Variants in RNF152 observed in about 807,000 individuals in gnomAD.
RNF152 encodes the protein ring finger protein 152, also known as E3 ubiquitin-protein ligase RNF152.
A neutral mutation model predicts 12.7 loss-of-function variants in RNF152; 11 were observed. The observed-to-expected ratio is 0.86, with a 90% CI of 0.54 to 1.43. The LOEUF (loss-of-function observed/expected upper bound fraction) is 1.43. RNF152 is among the 40% of genes most tolerant of loss of function. The pLI, the probability that RNF152 is intolerant of heterozygous loss-of-function variation, is 0.00. For missense variants in RNF152, 255 were observed against 274.8 expected (o/e 0.93, Z 0.51); for synonymous variants, 113 against 120.3 (o/e 0.94, Z 0.40).
chr18:61,877,215 G>C (rs1360908950), intron 1 of RNF152, among the ~76,000 whole-genome samples: 4 of 152,190 alleles, frequency 2.6e-5, no homozygotes, highest in Non-Finnish European at 5.9e-5. Flanking sequence ...TTTGGTCAGG[G>C]GTTCTGCGTA....
At chr18:61,818,637 T>G (rs1206336385) in intron 1 of RNF152, among the ~76,000 whole-genome samples, 1 of 152,084 alleles carries the variant, frequency 6.6e-6, no homozygotes, top group African/African-American at 2.4e-5. Context: ...ATCCACTAAT[T>G]CAAAAAATAT....
chr18:61,845,493 C>G (rs769648918), intron 1 of RNF152, among the ~76,000 whole-genome samples: 1 of 152,236 alleles, frequency 6.6e-6, no homozygotes, highest in African/African-American at 2.4e-5. Flanking sequence ...ACATCAATCT[C>G]TCTCCTAGTT....
chr18:61,846,177 G>T (rs1213622667), intron 1 of RNF152, among the ~76,000 whole-genome samples: 3 of 152,044 alleles, frequency 2.0e-5, no homozygotes, highest in Non-Finnish European at 4.4e-5. Context: ...CACCTGAAAG[G>T]ACAAAGATAC....
At chr18:61,866,081 T>C (rs1285881186) in intron 1 of RNF152, among the ~76,000 whole-genome samples, 1 of 152,196 alleles carries the variant, frequency 6.6e-6, no homozygotes, top group Non-Finnish European at 1.5e-5. Context: ...GGCAGGAATA[T>C]TCCTGGCCAT....
rs561878006 is a variant in RNF152, at chr18:61,837,294, A to G, written c.-135-20696T>C. ...AACCAAATTTAATTCATGAACCACA[A>G]TGAGATCCAGGATTGAGTGGGGAAA... is the stretch of plus-strand genomic sequence containing the variant. On this transcript the variant is annotated intron_variant, in intron 1 of 1. Coordinates refer to ENST00000312828, the MANE Select transcript of RNF152 (RefSeq NM_173557.3). Among the ~76,000 whole-genome samples, 9 of 152,312 alleles carry G rather than the reference A, an allele frequency of 5.9e-5. No individual in the cohort carries two copies. In the South Asian group the frequency reaches 8.3e-4, roughly 14 times the overall value.
At chr18:61,875,456 T>C (rs1912170278) in intron 1 of RNF152, among the ~76,000 whole-genome samples, 2 of 152,192 alleles carry the variant, frequency 1.3e-5, no homozygotes, top group Admixed American at 6.5e-5. Context: ...TTTTTCTTTG[T>C]TCCTACAACC....
chr18:61,848,373 A>G (rs1910828471), intron 1 of RNF152, among the ~76,000 whole-genome samples: 1 of 152,236 alleles, frequency 6.6e-6, no homozygotes, highest in African/African-American at 2.4e-5. Flanking sequence ...GAATGATTCC[A>G]TAGCCTCAAA....
intron 1 of RNF152, among the ~76,000 whole-genome samples, chr18:61,829,174 C>T (rs1909813842): frequency 1.3e-5 from 2 of 152,156 alleles, no homozygotes; most frequent in African/African-American, 4.8e-5. Context: ...TAGGGCAGCA[C>T]ACGGCAGGTG....
intron 1 of RNF152, among the ~76,000 whole-genome samples, chr18:61,876,946 C>A (rs1599320870): frequency 2.0e-5 from 3 of 152,296 alleles, no homozygotes; most frequent in East Asian, 1.9e-4. Flanking sequence ...GAGACTTGAC[C>A]ATTGTATCCT....
intron 1 of RNF152, among the ~76,000 whole-genome samples, chr18:61,858,344 C>A (rs896618853): frequency 7.9e-5 from 12 of 151,908 alleles, no homozygotes; most frequent in African/African-American, 2.7e-4. Context: ...AACCATATAC[C>A]CTAGGATGAG....
chr18:61,826,355 CAG>C (rs1175327660), intron 1 of RNF152, among the ~76,000 whole-genome samples: 1 of 152,124 alleles, frequency 6.6e-6, no homozygotes, highest in African/African-American at 2.4e-5. Context: ...ACAAAGAAGA[CAG>C]AAAGACCACT....
rs146886892 is a variant in RNF152, at chr18:61,850,469, C to T, written c.-135-33871G>A. 4.0e-3 allele frequency among the ~76,000 whole-genome samples: 604 copies of T among 152,296 alleles called. 4 individuals carry two copies. Among genetic ancestry groups the T allele is most frequent in the African/African-American group, 0.013 (525 of 41,564 alleles). On this transcript the variant is annotated intron_variant, in intron 1 of 1. Transcript: ENST00000312828. ...ATACCCTTAAAATAATTCTTTTCTACTCTTGAAAAGCAGAGTTAAAAATAA... is the reference window on the plus strand; with the variant it reads ...ATACCCTTAAAATAATTCTTTTCTATTCTTGAAAAGCAGAGTTAAAAATAA...
intron 1 of RNF152, among the ~76,000 whole-genome samples, chr18:61,854,331 G>A (rs1249077954): frequency 2.0e-5 from 3 of 152,130 alleles, no homozygotes; most frequent in Non-Finnish European, 4.4e-5. Flanking sequence ...GACTGGTCAT[G>A]TAAGAAAGTA....
At chr18:61,831,922 TG>T (rs922787590) in intron 1 of RNF152, among the ~76,000 whole-genome samples, 740 of 50,694 alleles carry the variant, frequency 0.015, 7 homozygotes, top group African/African-American at 0.034. Flanking sequence ...ATTATGTGTG[TG>T]GGGGGGTGTG....
At chr18:61,821,116 C>G (rs983602886) in intron 1 of RNF152, among the ~76,000 whole-genome samples, 1 of 152,252 alleles carries the variant, frequency 6.6e-6, no homozygotes, top group African/African-American at 2.4e-5. Flanking sequence ...CCACTTGGAA[C>G]AGCTTGGGAG....
chr18:61,878,978 G>T (rs751999686), intron 1 of RNF152, among the ~76,000 whole-genome samples: 38 of 152,204 alleles, frequency 2.5e-4, no homozygotes, highest in Non-Finnish European at 1.6e-4. Context: ...CACGCACAGG[G>T]TAAGTGGGAT....
intron 1 of RNF152, among the ~76,000 whole-genome samples, chr18:61,880,631 G>C (rs1912421008): frequency 6.6e-6 from 1 of 152,116 alleles, no homozygotes; most frequent in Non-Finnish European, 1.5e-5. Flanking sequence ...TTGTCTTTTG[G>C]TTGTCATGAA....
intron 1 of RNF152, among the ~76,000 whole-genome samples, chr18:61,818,654 A>G (rs1181873565): frequency 6.6e-6 from 1 of 152,270 alleles, no homozygotes; most frequent in Admixed American, 6.5e-5. Flanking sequence ...ATATTTATGG[A>G]ATATCTATTA....
At chr18:61,817,650 T>C (rs1469354749) in intron 1 of RNF152, among the ~76,000 whole-genome samples, 2 of 151,346 alleles carry the variant, frequency 1.3e-5, no homozygotes, top group African/African-American at 4.9e-5. Context: ...TGCCCTCAGA[T>C]AGAGAGATGA....
Sources: gnomAD v4.1 joint callset for allele counts (sites outside exome capture counted in the v4.1 genomes callset) on GRCh38, gnomAD v4.1.1 for gene constraint, MANE v1.5 for transcripts, NCBI Gene and HGNC (gene_info 2026-07-23, HGNC 2026-07-21) for gene names.